Variants in BST1 observed in about 807,000 individuals in gnomAD.
The protein encoded by BST1 is ADP-ribosyl cyclase/cyclic ADP-ribose hydrolase 2.
BST1 carries 49 observed loss-of-function variants against 40.6 expected under a neutral mutation model. The ratio of observed to expected loss-of-function variants is 1.21; its 90% CI spans 0.96 to 1.53. The LOEUF (loss-of-function observed/expected upper bound fraction) is 1.53. Among genes scored for constraint, BST1 ranks in the 40% most tolerant of loss-of-function variants. BST1 has a pLI of 0.00. For missense variants in BST1, 423 were observed against 395.9 expected (o/e 1.07, Z -0.58); for synonymous variants, 157 against 159.3 (o/e 0.99, Z 0.11).
chr4:15,721,190 A>T (rs1451690776), intron 7 of BST1, among the ~76,000 whole-genome samples: 1 of 152,190 alleles, frequency 6.6e-6, no homozygotes, highest in East Asian at 1.9e-4. Flanking sequence ...GGTTAACATA[A>T]CAAATCCAAC....
the BST1 span, among the ~76,000 whole-genome samples, chr4:15,770,872 C>T: frequency 2.0e-5 from 3 of 152,204 alleles, no homozygotes; most frequent in Non-Finnish European, 4.4e-5. Context: ...AATTCAATGA[C>T]GGCCACAGAT....
the BST1 span, among the ~76,000 whole-genome samples, chr4:15,763,763 T>A: frequency 1.3e-5 from 2 of 151,940 alleles, no homozygotes; most frequent in Non-Finnish European, 2.9e-5. Flanking sequence ...TATTAAGCCA[T>A]GAAAAGACAT....
chr4:15,716,756 G>C (rs1720537483), intron 6 of BST1, among the ~76,000 whole-genome samples: 2 of 152,148 alleles, frequency 1.3e-5, no homozygotes, highest in South Asian at 4.1e-4. Context: ...TTATTTTTGT[G>C]AGAAGTTGCT....
At chr4:15,727,322 T>G (rs990847047) in intron 8 of BST1, among the ~76,000 whole-genome samples, 1 of 152,194 alleles carries the variant, frequency 6.6e-6, no homozygotes, top group African/African-American at 2.4e-5. Flanking sequence ...ATTCTTTCAG[T>G]GACTGTTGGT....
downstream of BST1, among the ~76,000 whole-genome samples, chr4:15,737,102 A>G (rs536749629): frequency 6.6e-6 from 1 of 152,196 alleles, no homozygotes; most frequent in Non-Finnish European, 1.5e-5. Flanking sequence ...GTAAGTAGGG[A>G]TTATAAGTAC....
rs542642057 is a variant in BST1, at chr4:15,718,179, G to A, written c.705-728G>A. ...CTAGGTCTTCAACAAGAGAGGACGG[G>A]TTCCATGAGTTATGGTCTGTTTATG... On this transcript the variant is annotated intron_variant, in intron 6 of 8. Transcript: ENST00000265016. 2.0e-5 allele frequency among the ~76,000 whole-genome samples: 3 copies of A among 152,166 alleles called. No individual in the cohort carries two copies. In the South Asian group the frequency reaches 6.2e-4, roughly 32 times the overall value.
chr4:15,772,703 G>C, the BST1 span, among the ~76,000 whole-genome samples: 1 of 152,234 alleles, frequency 6.6e-6, no homozygotes, highest in African/African-American at 2.4e-5. Flanking sequence ...CCTAGCTTGG[G>C]AGCTGAGTGG....
intron 8 of BST1, among the ~76,000 whole-genome samples, chr4:15,726,060 C>T (rs914229139): frequency 1.4e-5 from 2 of 145,658 alleles, no homozygotes; most frequent in African/African-American, 5.1e-5. Context: ...CTCCTGGGCT[C>T]ACGTGATCCT....
the BST1 span, among the ~76,000 whole-genome samples, chr4:15,767,346 C>T: frequency 6.6e-6 from 1 of 151,840 alleles, no homozygotes; most frequent in Non-Finnish European, 1.5e-5. Flanking sequence ...GCTCTGTCAC[C>T]AGGCTGGAGT....
At chr4:15,727,155 G>C (rs12645513) in intron 8 of BST1, among the ~76,000 whole-genome samples, 13,247 of 152,158 alleles carry the variant, frequency 0.087, 1,217 homozygotes, top group East Asian at 0.52. Flanking sequence ...ATCATTTAAT[G>C]TTACTCAGAG....
chr4:15,767,970 C>T, the BST1 span, among the ~76,000 whole-genome samples: 2 of 152,128 alleles, frequency 1.3e-5, no homozygotes, highest in African/African-American at 2.4e-5. Context: ...GGAGGGATTC[C>T]CTGACTTTGA....
chr4:15,748,343 G>A, the BST1 span, among the ~76,000 whole-genome samples: 1 of 152,150 alleles, frequency 6.6e-6, no homozygotes, highest in South Asian at 2.1e-4. Context: ...TTCTGAAGAG[G>A]CAAGCACCCT....
At position 15,719,032 on chromosome 4, in the gene BST1, G is replaced by T. The variant is rs764677327; in HGVS notation, c.791+39G>T. 5 of 1,583,804 alleles carry T rather than the reference G, an allele frequency of 3.2e-6. No individual in the cohort carries two copies. In the South Asian group the frequency reaches 5.6e-5, roughly 18 times the overall value. ...ATATCAATGTGCTCTTGTAGAGGTG[G>T]TGTATGATTTTGGAGGAGGTGGGCT... On this transcript the variant is annotated intron_variant, in intron 7 of 8. Transcript: ENST00000265016.
At chr4:15,703,791 T>A (rs1274037902) in intron 1 of BST1, among the ~76,000 whole-genome samples, 4 of 137,838 alleles carry the variant, frequency 2.9e-5, no homozygotes, top group African/African-American at 1.1e-4. Flanking sequence ...TGTGTGTGTG[T>A]TCTAGAGGTA....
intron 5 of BST1, 38 bp from the exon 6 acceptor site, chr4:15,715,669 T>C (rs769143027): frequency 1.0e-5 from 14 of 1,360,784 alleles, no homozygotes; most frequent in African/African-American, 2.9e-5. Context: ...ATGGAAAAGA[T>C]ATCATATTGC....
chr4:15,721,212 T>C lies in BST1; in HGVS notation c.792-1663T>C, dbSNP rs185763854. Among the ~76,000 whole-genome samples, 30 of 152,272 alleles carry C rather than the reference T, an allele frequency of 2.0e-4. No individual in the cohort carries two copies. The East Asian group carries it at 5.6e-3, about 28-fold the overall frequency. Reference sequence around the variant, plus strand: ...ATAACAAATCCAACTCCAACCCAGATGTGAGAAACTCCTGCCCCTCACAAT... The same window carrying C: ...ATAACAAATCCAACTCCAACCCAGACGTGAGAAACTCCTGCCCCTCACAAT... On this transcript the variant is annotated intron_variant, in intron 7 of 8. Coordinates refer to ENST00000265016, the MANE Select transcript of BST1 (RefSeq NM_004334.3).
chr4:15,706,039 G>A (rs542794726), intron 2 of BST1, among the ~76,000 whole-genome samples: 132 of 152,240 alleles, frequency 8.7e-4, no homozygotes, highest in Middle Eastern at 3.4e-3. Flanking sequence ...CCACAGGCTT[G>A]TAAACAACTG....
the BST1 span, among the ~76,000 whole-genome samples, chr4:15,757,016 T>C: frequency 6.6e-6 from 1 of 151,824 alleles, no homozygotes; most frequent in Admixed American, 6.6e-5. Context: ...GAAATCTATA[T>C]TAGTAAAACC....
chr4:15,756,411 TG>T, the BST1 span, among the ~76,000 whole-genome samples: 1 of 152,176 alleles, frequency 6.6e-6, no homozygotes, highest in Non-Finnish European at 1.5e-5. Flanking sequence ...TGCATGCCAA[TG>T]GCAGGTCTGG....
Sources: gnomAD v4.1 joint callset for allele counts (sites outside exome capture counted in the v4.1 genomes callset) on GRCh38, gnomAD v4.1.1 for gene constraint, MANE v1.5 for transcripts, NCBI Gene and HGNC (gene_info 2026-07-23, HGNC 2026-07-21) for gene names.